Variants in SLIT3 observed in about 807,000 individuals in gnomAD.
SLIT3 encodes the protein slit homolog 3 protein.
SLIT3 carries 68 observed loss-of-function variants against 184.0 expected under a neutral mutation model. The ratio of observed to expected loss-of-function variants is 0.37; its 90% confidence interval spans 0.30 to 0.45. The LOEUF (loss-of-function observed/expected upper bound fraction) is 0.45, where lower values mean the gene tolerates loss of function less well. SLIT3 is among the 20% of genes least tolerant of loss of function. The pLI is 1.00. For synonymous variants in SLIT3, 831 were observed against 828.6 expected (o/e 1.00, Z -0.05); for missense variants, 1,707 against 2,026.0 (o/e 0.84, Z 3.02).
chr5:169,065,979 T>C (rs1446236924), intron 4 of SLIT3, among the ~76,000 whole-genome samples: 1 of 152,192 alleles, frequency 6.6e-6, no homozygotes, highest in East Asian at 1.9e-4. Flanking sequence ...TAGCAAAAAG[T>C]GTGCAAGGCA....
intron 16 of SLIT3, among the ~76,000 whole-genome samples, chr5:168,755,720 G>T (rs1242302420): frequency 2.0e-5 from 3 of 152,192 alleles, no homozygotes; most frequent in Non-Finnish European, 4.4e-5. Context: ...ACAGGCATGA[G>T]CCGCCATGCC....
chr5:168,812,990 GGTTC>G (rs1757211632), intron 8 of SLIT3, among the ~76,000 whole-genome samples: 1 of 152,094 alleles, frequency 6.6e-6, no homozygotes, highest in African/African-American at 2.4e-5. Context: ...GAGGCTATTA[GGTTC>G]AAGCTTTGTT....
chr5:168,687,994 GC>G (rs1272920187), intron 29 of SLIT3, among the ~76,000 whole-genome samples: 1 of 152,186 alleles, frequency 6.6e-6, no homozygotes, highest in Non-Finnish European at 1.5e-5. Flanking sequence ...TTAAAACCTG[GC>G]CAGAGGAAGC....
At chr5:168,984,506 A>G (rs1010808685) in intron 4 of SLIT3, among the ~76,000 whole-genome samples, 2 of 152,164 alleles carry the variant, frequency 1.3e-5, no homozygotes, top group African/African-American at 2.4e-5. Flanking sequence ...TGTGAAGTTA[A>G]GGGCCTCCAA....
chr5:169,190,957 T>C (rs1479845387), intron 4 of SLIT3, among the ~76,000 whole-genome samples: 1 of 152,212 alleles, frequency 6.6e-6, no homozygotes, highest in Non-Finnish European at 1.5e-5. Context: ...TTGCTGATTA[T>C]AGCCCAAACT....
At chr5:169,040,043 T>G (rs1757394310) in intron 4 of SLIT3, among the ~76,000 whole-genome samples, 1 of 152,198 alleles carries the variant, frequency 6.6e-6, no homozygotes, top group South Asian at 2.1e-4. Flanking sequence ...AAATAAAATT[T>G]AGATGCCATG....
At position 168,684,363 on chromosome 5, in the gene SLIT3, T is replaced by A. The variant is rs1467242423; in HGVS notation, c.3556-267A>T. On this transcript the variant is annotated intron_variant, in intron 31 of 35. Coordinates refer to ENST00000519560, the MANE Select transcript of SLIT3 (RefSeq NM_003062.4). ...ACCACTATGTTCATATATTAATGTA[T>A]GTCAGGAGGCCCGAACTCTAATCTG... 2.6e-5 allele frequency among the ~76,000 whole-genome samples: 4 copies of A among 152,352 alleles called. No homozygotes were observed. In the East Asian group the frequency reaches 7.7e-4, roughly 29 times the overall value.
intron 1 of SLIT3, among the ~76,000 whole-genome samples, chr5:169,294,566 C>A (rs182762494): frequency 1.1e-4 from 16 of 152,268 alleles, no homozygotes; most frequent in Middle Eastern, 3.4e-3. Context: ...TTAGGATGGG[C>A]GTCTCAAACC....
intron 4 of SLIT3, among the ~76,000 whole-genome samples, chr5:168,889,665 A>G (rs1760365415): frequency 6.6e-6 from 1 of 152,194 alleles, no homozygotes; most frequent in Admixed American, 6.5e-5. Flanking sequence ...GTCAGCTCAG[A>G]TGCTTATTTC....
intron 4 of SLIT3, among the ~76,000 whole-genome samples, chr5:168,963,841 A>T (rs1763096180): frequency 6.6e-6 from 1 of 152,234 alleles, no homozygotes; most frequent in Non-Finnish European, 1.5e-5. Flanking sequence ...CCTTACATTT[A>T]GTTTAAGTAA....
At chr5:169,083,109 G>A (rs1759139110) in intron 4 of SLIT3, among the ~76,000 whole-genome samples, 1 of 152,142 alleles carries the variant, frequency 6.6e-6, no homozygotes, top group African/African-American at 2.4e-5. Flanking sequence ...CACAGTTTCG[G>A]AACTAACTGG....
At chr5:168,841,559 G>T (rs931347067) in intron 6 of SLIT3, among the ~76,000 whole-genome samples, 5 of 152,080 alleles carry the variant, frequency 3.3e-5, no homozygotes, top group Non-Finnish European at 1.5e-5. Flanking sequence ...GAAGTGGGCA[G>T]ATTTCAGTCT....
At chr5:169,059,691 T>TGGCTTAA (rs1758116882) in intron 4 of SLIT3, among the ~76,000 whole-genome samples, 1 of 152,166 alleles carries the variant, frequency 6.6e-6, no homozygotes, top group Non-Finnish European at 1.5e-5. Flanking sequence ...ATGTCTGACT[T>TGGCTTAA]GGCTTAAAAT....
chr5:169,151,218 C>G (rs17070894), intron 4 of SLIT3, among the ~76,000 whole-genome samples: 3,142 of 152,272 alleles, frequency 0.021, 58 homozygotes, highest in Admixed American at 0.03. Flanking sequence ...CCATCTCTCT[C>G]TCAGCACAGC....
intron 3 of SLIT3, among the ~76,000 whole-genome samples, chr5:169,228,910 T>C (rs949981808): frequency 6.6e-6 from 1 of 152,238 alleles, no homozygotes; most frequent in Non-Finnish European, 1.5e-5. Flanking sequence ...GAATTTATAG[T>C]ACATTATGCC....
At chr5:169,125,895 G>A (rs768397740) in intron 4 of SLIT3, among the ~76,000 whole-genome samples, 3 of 152,144 alleles carry the variant, frequency 2.0e-5, no homozygotes, top group East Asian at 1.9e-4. Context: ...AGGTAGAGAC[G>A]AAACCAGCTT....
Position 169,122,806 on chromosome 5 carries a change from T to C in SLIT3, c.413+70673A>G, listed in dbSNP as rs576566224. 3.9e-5 allele frequency among the ~76,000 whole-genome samples: 6 copies of C among 152,178 alleles called. No individual in the cohort carries two copies. In the South Asian group the frequency reaches 1.0e-3, roughly 26 times the overall value. On this transcript the variant is annotated intron_variant, in intron 4 of 35. Coordinates refer to ENST00000519560, the MANE Select transcript of SLIT3 (RefSeq NM_003062.4). ...ATATTCTTGCTTCTCTCCCAGCCCATCCCCATCCCTAGGAAATATGGATTT... is the reference window on the plus strand; with the variant it reads ...ATATTCTTGCTTCTCTCCCAGCCCACCCCCATCCCTAGGAAATATGGATTT...
At chr5:168,809,074 G>A (rs762046084) in intron 8 of SLIT3, among the ~76,000 whole-genome samples, 1 of 152,116 alleles carries the variant, frequency 6.6e-6, no homozygotes, top group Non-Finnish European at 1.5e-5. Context: ...GGGGTGTGTT[G>A]GAAAAGGGGA....
rs552061298 is a variant in SLIT3 at position 168,765,421 on chromosome 5, G to A, written c.1460-2732C>T. Among the ~76,000 whole-genome samples the A allele has an allele frequency of 9.2e-5, 14 of 152,246 alleles. 1 individual carries two copies. The highest frequency in any genetic ancestry group is 6.2e-4 in the South Asian group (3 of 4,818). On this transcript the variant is annotated intron_variant, in intron 14 of 35. Coordinates refer to ENST00000519560, the MANE Select transcript of SLIT3 (RefSeq NM_003062.4). ...CCTGGTTTGTAATAACAAGGGGGTC[G>A]GAATGTGATATTTTATACGAGTGGG...
Sources: allele counts gnomAD v4.1 joint callset (sites outside exome capture counted in the v4.1 genomes callset), GRCh38; gene constraint gnomAD v4.1.1; transcripts MANE v1.5; gene names NCBI Gene and HGNC (gene_info 2026-07-23, HGNC 2026-07-21).